The following DYNC1H1 variants were observed in gnomAD, a reference collection of about 807,000 sequenced individuals.
The protein encoded by DYNC1H1 is dynein cytoplasmic 1 heavy chain 1, also known as cytoplasmic dynein 1 heavy chain 1.
DYNC1H1 carries 51 observed loss-of-function variants against 527.1 expected under a neutral mutation model. That is an observed-to-expected ratio of 0.10 (90% CI 0.08 to 0.12). The LOEUF is 0.12. DYNC1H1 is among the 10% of genes least tolerant of loss of function. The pLI is 1.00. For missense variants in DYNC1H1, 2,771 were observed against 5,971.8 expected, an observed-to-expected ratio of 0.46 and a Z score of 17.66; for synonymous variants, 2,189 against 2,278.8, an observed-to-expected ratio of 0.96 and a Z score of 1.12.
At chr14:101,984,140 T>C (rs538001607) in intron 7 of DYNC1H1, among the ~76,000 whole-genome samples, 2 of 151,128 alleles carry the variant, frequency 1.3e-5, no homozygotes, top group African/African-American at 4.9e-5. Flanking sequence ...GCTAATTTAT[T>C]TGTGTGTGTG....
At chr14:102,008,089 C>T in intron 28 of DYNC1H1, 89 bp from the exon 29 acceptor site, 6 of 1,576,718 alleles carry the variant, frequency 3.8e-6, no homozygotes, top group Non-Finnish European at 4.3e-6. Flanking sequence ...AGGGTTAGGG[C>T]ATCAACATAC....
At position 102,052,622 on chromosome 14, in the gene DYNC1H1, C is replaced by G. The variant is rs1369051286; in HGVS notation, c.*2059C>G. The G allele has an allele frequency of 6.6e-6, 1 of 152,288 alleles. No homozygotes were observed. Among genetic ancestry groups the G allele is most frequent in the Admixed American group, 6.6e-5 (1 of 15,264 alleles). The allele number at this position is 152,288 out of a possible 1,614,324, so 9.4% of individuals were successfully genotyped here. ...CTCTTGGAGAAGGAGATTCTGGGCC[C>G]CTTTTCTCTCTCCCAAACCTAGGTG... On this transcript the variant is annotated 3_prime_UTR_variant, in exon 78 of 78. Coordinates refer to ENST00000360184, the MANE Select transcript of DYNC1H1 (RefSeq NM_001376.5).
In DYNC1H1 at chr14:102,017,298, T is replaced by G; in HGVS notation, c.8055+4T>G. 1 of 1,614,244 alleles carries G rather than the reference T, an allele frequency of 6.2e-7. No homozygotes were observed. ...GGTCATATCCTTCATCAGACAGGTT[T>G]GTTTCTATCCACAAGGCCCTTCCTG... is the stretch of plus-strand genomic sequence containing the variant. On this transcript the variant is annotated splice_donor_region_variant and intron_variant, in intron 39 of 77. Transcript: ENST00000360184. The surrounding 1 kb of genome is among the most constrained non-coding windows in gnomAD (Gnocchi z 4.6).
intron 10 of DYNC1H1, 23 bp downstream of exon 10, chr14:101,988,875 A>G (rs750856166): frequency 3.0e-5 from 48 of 1,613,862 alleles, no homozygotes; most frequent in South Asian, 2.6e-4. Context: ...GTGGCATTCT[A>G]TTTACTAATA....
chr14:102,003,963 C>G lies in DYNC1H1; in HGVS notation c.4884-555C>G, dbSNP rs1424003105. Reference sequence around the variant, plus strand: ...AGAGTTAATAAAGTAACTTACTGGCCCGGCGCGGTGGCTCACGCCTGTAAT... The same window carrying G: ...AGAGTTAATAAAGTAACTTACTGGCGCGGCGCGGTGGCTCACGCCTGTAAT... On this transcript the variant is annotated intron_variant, in intron 23 of 77. Coordinates refer to ENST00000360184, the MANE Select transcript of DYNC1H1 (RefSeq NM_001376.5). Among the ~76,000 whole-genome samples the G allele has an allele frequency of 3.3e-5, 5 of 150,648 alleles. No individual in the cohort carries two copies. In the South Asian group the frequency reaches 8.4e-4, roughly 25 times the overall value.
At chr14:102,032,838 GA>G in intron 52 of DYNC1H1, 1 of 591,580 alleles carries the variant, frequency 1.7e-6, no homozygotes, top group Non-Finnish European at 3.0e-6. Context: ...GGGTGACAGA[GA>G]AAAACCCTGT....
rs1225283985 is a variant in DYNC1H1, at chr14:101,995,595, A to G, written c.3564+295A>G. 2.0e-5 allele frequency among the ~76,000 whole-genome samples: 3 copies of G among 149,636 alleles called. No individual in the cohort carries two copies. The East Asian group carries it at 6.0e-4, about 30-fold the overall frequency. On this transcript the variant is annotated intron_variant, in intron 15 of 77. Coordinates refer to ENST00000360184, the MANE Select transcript of DYNC1H1 (RefSeq NM_001376.5). ...CACTGCATTCCAGCCTGGGCAACAG[A>G]GTGAGACTCCGTCTCAAAAAAAAAA...
At position 102,010,670 on chromosome 14, in the gene DYNC1H1, C is replaced by A. The variant is rs918618479; in HGVS notation, c.6406-70C>A. ...TTCACCAACAGTTACTGATCACGCA[C>A]CTCCTGGGGATGCAGCGGGCAGTAC... On this transcript the variant is annotated intron_variant, in intron 31 of 77. Transcript: ENST00000360184. The surrounding 1 kb of genome is among the most constrained non-coding windows in gnomAD (Gnocchi z 6.0). 33 of 1,594,800 alleles carry A rather than the reference C, an allele frequency of 2.1e-5. No individual in the cohort carries two copies. Among genetic ancestry groups the A allele is most frequent in the Non-Finnish European group, 2.4e-5 (28 of 1,165,560 alleles).
intron 5 of DYNC1H1, among the ~76,000 whole-genome samples, chr14:101,982,541 G>A (rs1407862365): frequency 2.6e-5 from 4 of 151,918 alleles, no homozygotes; most frequent in Non-Finnish European, 2.9e-5. Flanking sequence ...GCAGTGAGCC[G>A]AGATCACCCC....
intron 48 of DYNC1H1, 83 bp downstream of exon 48, chr14:102,028,224 C>A: frequency 6.6e-7 from 1 of 1,517,998 alleles, no homozygotes; most frequent in Non-Finnish European, 9.1e-7. Context: ...TAAAAATAGA[C>A]CTTAAGGCCA....
chr14:101,974,438 A>C (rs955557604), intron 1 of DYNC1H1, among the ~76,000 whole-genome samples: 1 of 152,178 alleles, frequency 6.6e-6, no homozygotes, highest in Non-Finnish European at 1.5e-5. Flanking sequence ...AAGGTGAACT[A>C]TGTATAAAAT....
At position 102,017,559 on chromosome 14, in the gene DYNC1H1, T is replaced by C. The variant is rs1240648091; in HGVS notation, c.8177+55T>C. The C allele has an allele frequency of 6.8e-6, 11 of 1,614,070 alleles. No homozygotes were observed. In the African/African-American group the frequency reaches 1.2e-4, roughly 18 times the overall value. ...CACACACGCACAGCTCCAGGATTGC[T>C]GTAAACACAGCGCCACAAAAACCTG... On this transcript the variant is annotated intron_variant, in intron 40 of 77. Coordinates refer to ENST00000360184, the MANE Select transcript of DYNC1H1 (RefSeq NM_001376.5). The surrounding 1 kb of genome is among the most constrained non-coding windows in gnomAD (Gnocchi z 4.6).
At position 101,964,695 on chromosome 14, in the gene DYNC1H1, T is replaced by A; in HGVS notation, c.4T>A (p.Ser2Thr). Residue 2 changes from serine (S) to threonine (T), a missense_variant, in exon 1 of 78, where the codon TCG becomes ACG. This residue lies in a region of DYNC1H1 where 101 missense variants were observed against 105.3 expected (regional missense o/e 0.96). Transcript: ENST00000360184. The surrounding 1 kb of genome is among the most constrained non-coding windows in gnomAD (Gnocchi z 5.5). MSEPGGGGGEDG... is the reference protein window; with the variant it reads MTEPGGGGGEDG... ...GGAAGGTCCCGAGCGCGACACCATG[T>A]CGGAGCCCGGGGGCGGCGGCGGCGA... 6.3e-7 allele frequency: 1 copy of A among 1,590,864 alleles called. No homozygotes were observed. The highest frequency in any genetic ancestry group is 8.5e-7 in the Non-Finnish European group (1 of 1,173,824).
chr14:102,042,557 T>C lies in DYNC1H1; in HGVS notation c.12399+50T>C. ...GTTGCAGGCTGGCCTGGCACTGTGC[T>C]GTCGGCACGTGTGTGGTGGAATTGA... On this transcript the variant is annotated intron_variant, in intron 68 of 77. Coordinates refer to ENST00000360184, the MANE Select transcript of DYNC1H1 (RefSeq NM_001376.5). The surrounding 1 kb of genome is among the most constrained non-coding windows in gnomAD (Gnocchi z 5.7). 1.2e-6 allele frequency: 2 copies of C among 1,613,846 alleles called. No homozygotes were observed. Among genetic ancestry groups the C allele is most frequent in the Non-Finnish European group, 8.5e-7 (1 of 1,179,894 alleles).
At chr14:102,023,179 T>G in intron 43 of DYNC1H1, 1 of 398,506 alleles carries the variant, frequency 2.5e-6, no homozygotes, top group Non-Finnish European at 4.8e-6. Flanking sequence ...GCCCAGGAAG[T>G]CACAGTGAGC....
chr14:102,035,752 CTGTAAA>C, intron 56 of DYNC1H1: 1 of 152,520 alleles, frequency 6.6e-6, no homozygotes, highest in South Asian at 2.1e-4. Context: ...ACACATGTGT[CTGTAAA>C]TGCTTAGACC....
rs758850070 is a variant in DYNC1H1 at position 102,017,324 on chromosome 14, C to A, written c.8055+30C>A. 5.0e-6 allele frequency: 8 copies of A among 1,614,224 alleles called. No homozygotes were observed. In the South Asian group the frequency reaches 8.8e-5, roughly 18 times the overall value. On this transcript the variant is annotated intron_variant, in intron 39 of 77. Coordinates refer to ENST00000360184, the MANE Select transcript of DYNC1H1 (RefSeq NM_001376.5). This position sits in a 1 kb window ranked among gnomAD's most constrained non-coding sequence, Gnocchi z 4.6. ...GTTTCTATCCACAAGGCCCTTCCTG[C>A]CCCACAATGTTTCTTGTTCAAGTTT...
chr14:102,040,096 C>T (rs891608130), intron 62 of DYNC1H1, 140 bp from the exon 63 acceptor site: 12 of 1,182,774 alleles, frequency 1.0e-5, no homozygotes, highest in Admixed American at 3.4e-5. Flanking sequence ...CCGCCCACCT[C>T]GGCCTCCCAG....
rs1173742131 is a variant in DYNC1H1 at position 102,033,349 on chromosome 14, C to T, written c.10278C>T (p.Asn3426=). The change falls in exon 54 of 78, where the codon AAC becomes AAT. Residue 3426 remains asparagine (N), a synonymous_variant. Transcript: ENST00000360184. This position sits in a 1 kb window ranked among gnomAD's most constrained non-coding sequence, Gnocchi z 5.6. Reference sequence around the variant, plus strand: ...AGCTGGAAGATGACGCCAAGGACAACCAGCAGAAGGCCAACGAGGTGGAGC... The same window carrying T: ...AGCTGGAAGATGACGCCAAGGACAATCAGCAGAAGGCCAACGAGGTGGAGC... ...LQKLEDDAKD[N]QQKANEVEQM... is the part of the protein sequence containing the mutation. 1.2e-6 allele frequency: 2 copies of T among 1,614,214 alleles called. No individual in the cohort carries two copies.
Sources: allele counts gnomAD v4.1 joint callset (sites outside exome capture counted in the v4.1 genomes callset), GRCh38; gene constraint gnomAD v4.1.1; regional missense constraint gnomAD v4.1.1; non-coding constraint Gnocchi (gnomAD v3.1); transcripts MANE v1.5; gene names NCBI Gene and HGNC (gene_info 2026-07-23, HGNC 2026-07-21).